Variants in IGFLR1 observed in about 807,000 individuals in gnomAD.
The protein encoded by IGFLR1 is IGF like family receptor 1, also known as IGF-like family receptor 1.
Under a neutral mutation model 23.4 loss-of-function variants are expected in IGFLR1, and 17 were observed. The ratio of observed to expected loss-of-function variants is 0.73; its 90% CI spans 0.50 to 1.09. The LOEUF (loss-of-function observed/expected upper bound fraction) is 1.09, where lower values mean the gene tolerates loss of function less well. IGFLR1 is among the 50% of genes least tolerant of loss of function. IGFLR1 has a pLI of 0.00. For missense variants in IGFLR1, 556 were observed against 459.2 expected, an observed-to-expected ratio of 1.21 and a Z score of -1.93; for synonymous variants, 265 against 210.7, an observed-to-expected ratio of 1.26 and a Z score of -2.23.
chr19:35,742,388 A>T lies in IGFLR1; in HGVS notation c.-44+8T>A. The T allele has an allele frequency of 6.5e-7, 1 of 1,527,418 alleles. No homozygotes were observed. The highest frequency in any genetic ancestry group is 8.8e-7 in the Non-Finnish European group (1 of 1,141,818). 94.6% of individuals were successfully genotyped at this position (1,527,418 alleles called of 1,614,324 possible). A position where few individuals can be genotyped will look rare whatever the true frequency, so the allele number is the denominator to read the frequency against. ...TTCAGCACAAAGGTGTCCCCACCCT[A>T]CCAGTACCGTTAGGGTCCTGGGTCC... On this transcript the variant is annotated splice_region_variant and intron_variant, in intron 1 of 4. Transcript: ENST00000246532.
At chr19:35,740,832 T>C (rs552846821) in intron 2 of IGFLR1, 192 bp downstream of exon 2, 1 of 652,672 alleles carries the variant, frequency 1.5e-6, no homozygotes, top group African/African-American at 1.8e-5. Flanking sequence ...GCCATATCCA[T>C]TCGCTGTTGC....
rs773441914 is a variant in IGFLR1, at chr19:35,740,511, G to C, written c.211C>G (p.Pro71Ala). The change falls in exon 3 of 5, where the codon CCC (proline) becomes GCC (alanine). Residue 71 changes from proline (P) to alanine (A), a missense_variant. Coordinates refer to ENST00000246532, the MANE Select transcript of IGFLR1 (RefSeq NM_024660.4). ...CCAGAAGAACACTTTCGGAACGGGGGCGTTACGAAATCGCCGTGGTCATTG... is the reference window on the plus strand; with the variant it reads ...CCAGAAGAACACTTTCGGAACGGGGCCGTTACGAAATCGCCGTGGTCATTG... ...GLNDHGDFVTPPFRKCSSGQC... is the reference protein window; with the variant it reads ...GLNDHGDFVTAPFRKCSSGQC... The C allele has an allele frequency of 1.2e-6, 2 of 1,612,928 alleles. No individual in the cohort carries two copies. The highest frequency in any genetic ancestry group is 1.7e-6 in the Non-Finnish European group (2 of 1,179,778).
At position 35,739,455 on chromosome 19, in the gene IGFLR1, A is replaced by G; in HGVS notation, c.893T>C (p.Phe298Ser). The change falls in exon 5 of 5, where the codon TTT (phenylalanine) becomes TCT (serine). Residue 298 changes from phenylalanine (F) to serine (S), a missense_variant. By Grantham distance (155) the Phe-to-Ser change is radical. Transcript: ENST00000246532. ...GCGACTCGGCCTCAGCGAATAGGCA[A>G]AGGTGGACCAGGCAGCAGGCAGCCC... ...RYGLPAAWST[F>S]AYSLRPSRSP... 6.2e-7 allele frequency: 1 copy of G among 1,613,980 alleles called. No homozygotes were observed. Among genetic ancestry groups the G allele is most frequent in the South Asian group, 1.1e-5 (1 of 91,090 alleles).
At chr19:35,740,930 G>T (rs558301456) in intron 2 of IGFLR1, 94 bp downstream of exon 2, 2 of 1,228,860 alleles carry the variant, frequency 1.6e-6, no homozygotes, top group African/African-American at 1.5e-5. Context: ...CCCTAAGCAA[G>T]CCTCTCTGGC....
At chr19:35,740,791 C>T (rs1047701712) in intron 2 of IGFLR1, 6 of 636,800 alleles carry the variant, frequency 9.4e-6, no homozygotes, top group Non-Finnish European at 1.6e-5. Context: ...AAAGCCCACC[C>T]TTTCCACGCG....
Position 35,739,440 on chromosome 19 carries a change from C to T in IGFLR1, c.908G>A (p.Arg303Lys). ...AAWSTFAYSL[R>K]PSRSPLRALI... ...AGCCCGCAGCGGCGAGCGACTCGGC[C>T]TCAGCGAATAGGCAAAGGTGGACCA... The change falls in exon 5 of 5, where the codon AGG becomes AAG. Residue 303 changes from arginine (R) to lysine (K), a missense_variant. Transcript: ENST00000246532. 2 of 1,613,978 alleles carry T rather than the reference C, an allele frequency of 1.2e-6. No homozygotes were observed. Among genetic ancestry groups the T allele is most frequent in the Non-Finnish European group, 1.7e-6 (2 of 1,179,984 alleles).
chr19:35,742,323 T>A, intron 1 of IGFLR1, 73 bp downstream of exon 1: 1 of 1,259,142 alleles, frequency 7.9e-7, no homozygotes, highest in Non-Finnish European at 1.1e-6. Context: ...CAACCAGGTC[T>A]CTCCCCCTTG....
Position 35,739,513 on chromosome 19 carries a change from G to C in IGFLR1, c.835C>G (p.His279Asp), listed in dbSNP as rs1970075077. 2 of 1,614,058 alleles carry C rather than the reference G, an allele frequency of 1.2e-6. No homozygotes were observed. Among genetic ancestry groups the C allele is most frequent in the East Asian group, 4.5e-5 (2 of 44,890 alleles). The change falls in exon 5 of 5, where the codon CAT (histidine) becomes GAT (aspartate). Residue 279 changes from histidine to aspartate, a missense_variant. By Grantham distance (81) the His-to-Asp change is moderately conservative. Coordinates refer to ENST00000246532, the MANE Select transcript of IGFLR1 (RefSeq NM_024660.4). ...PEPGPGGGMA[H>D]GTTRHLAARY... is the part of the protein sequence containing the mutation. ...GCGGCCAGGTGTCGAGTAGTGCCAT[G>C]GGCCATACCCCCACCTGGCCCAGGC...
In IGFLR1 at chr19:35,738,852, C is replaced by T; in HGVS notation, c.*428G>A. The T allele has an allele frequency of 4.1e-6, 2 of 489,184 alleles. No individual in the cohort carries two copies. The allele number at this position is 489,184 out of a possible 1,614,324, so 30.3% of individuals were successfully genotyped here. A position where few individuals can be genotyped will look rare whatever the true frequency, so the allele number is the denominator to read the frequency against. ...GGTGGGGTCCCAGGTGGGAACCCCC[C>T]CACAATAAAGTCTGTCAATGTTTGG... On this transcript the variant is annotated 3_prime_UTR_variant, in exon 5 of 5. Coordinates refer to ENST00000246532, the MANE Select transcript of IGFLR1 (RefSeq NM_024660.4). This position sits in a 1 kb window ranked among gnomAD's most constrained non-coding sequence, Gnocchi z 8.7.
At position 35,740,342 on chromosome 19, in the gene IGFLR1, CCAG is replaced by C. The variant is rs748440904; in HGVS notation, c.342+35_342+37del. 4.6e-6 allele frequency: 7 copies of C among 1,519,554 alleles called. No homozygotes were observed. In the South Asian group the frequency reaches 8.9e-5, roughly 19 times the overall value. The allele number at this position is 1,519,554 out of a possible 1,614,324, so 94.1% of individuals were successfully genotyped here. On this transcript the variant is annotated intron_variant, in intron 3 of 4. Transcript: ENST00000246532. ...CTCCCTACATCTAGGCCCCCCACCT[CCAG>C]CACGCCCTTGCCCTGCCGGGAGTCC...
In IGFLR1 at chr19:35,739,659, G is replaced by A. The variant is rs778948676; in HGVS notation, c.722-33C>T. On this transcript the variant is annotated intron_variant, in intron 4 of 4. Transcript: ENST00000246532. ...AAAGGGGAAGGGTAAAGGTGCGGAAGAGCGGGCGTCCAGTCCACCTTCCCT... is the reference window on the plus strand; with the variant it reads ...AAAGGGGAAGGGTAAAGGTGCGGAAAAGCGGGCGTCCAGTCCACCTTCCCT... The A allele has an allele frequency of 1.3e-5, 20 of 1,581,612 alleles. No homozygotes were observed. The Admixed American group carries it at 3.3e-4, about 26-fold the overall frequency.
intron 2 of IGFLR1, 178 bp downstream of exon 2, chr19:35,740,846 A>T (rs1301750968): frequency 3.0e-6 from 2 of 671,952 alleles, no homozygotes; most frequent in East Asian, 2.8e-5. Context: ...CTGTTGCCCT[A>T]CGGTAGCCCG....
At position 35,739,014 on chromosome 19, in the gene IGFLR1, T is replaced by G; in HGVS notation, c.*266A>C. 1 of 516,596 alleles carries G rather than the reference T, an allele frequency of 1.9e-6. No individual in the cohort carries two copies. The highest frequency in any genetic ancestry group is 3.4e-6 in the Non-Finnish European group (1 of 292,120). The allele number at this position is 516,596 out of a possible 1,614,324, so 32.0% of individuals were successfully genotyped here. On this transcript the variant is annotated 3_prime_UTR_variant, in exon 5 of 5. Coordinates refer to ENST00000246532, the MANE Select transcript of IGFLR1 (RefSeq NM_024660.4). The stretch of plus-strand genomic sequence containing the variant: ...ATCATTCAGAATTAGAAGTCAGTCA[T>G]GGGGTCTGTTACGGCTTCAGAACAA...
At position 35,740,541 on chromosome 19, in the gene IGFLR1, C is replaced by G; in HGVS notation, c.181G>C (p.Gly61Arg). ...ACGAAATCGCCGTGGTCATTGAGTC[C>G]GCAGTTTTCCCGGAACTCATAGTCT... The part of the protein sequence containing the change: ...CPDYEFRENC[G>R]LNDHGDFVTP... Residue 61 changes from glycine to arginine, a missense_variant, in exon 3 of 5, where the codon GGA (glycine) becomes CGA (arginine). Transcript: ENST00000246532. The G allele has an allele frequency of 6.2e-7, 1 of 1,609,132 alleles. No homozygotes were observed. Among genetic ancestry groups the G allele is most frequent in the Non-Finnish European group, 8.5e-7 (1 of 1,178,236 alleles).
rs45459701 is a variant in IGFLR1 at position 35,739,887 on chromosome 19, T to C, written c.544A>G (p.Ile182Val). The change falls in exon 4 of 5, where the codon ATT becomes GTT. Residue 182 changes from isoleucine (I) to valine (V), a missense_variant. Physicochemically the swap from Ile to Val is conservative, Grantham distance 29 (BLOSUM62 3). Coordinates refer to ENST00000246532, the MANE Select transcript of IGFLR1 (RefSeq NM_024660.4). ...TLAVIAILLF[I>V]LLWHLCWPKE... Reference sequence around the variant, plus strand: ...GGCCAGCAGAGATGCCAGAGCAGAATAAACAGGAGGATCGCTATCACCGCC... The same window carrying C: ...GGCCAGCAGAGATGCCAGAGCAGAACAAACAGGAGGATCGCTATCACCGCC... 2.5e-6 allele frequency: 4 copies of C among 1,614,010 alleles called. No homozygotes were observed. In the East Asian group the frequency reaches 8.9e-5, roughly 36 times the overall value.
In IGFLR1 at chr19:35,739,179, C is replaced by T. The variant is rs1970046241; in HGVS notation, c.*101G>A. On this transcript the variant is annotated 3_prime_UTR_variant, in exon 5 of 5. Coordinates refer to ENST00000246532, the MANE Select transcript of IGFLR1 (RefSeq NM_024660.4). ...CCTTCTAGGGCGAAGAGCAGTGAGG[C>T]TATCTGTTGGGTCTTTGCCCAATTA... 1 of 1,116,568 alleles carries T rather than the reference C, an allele frequency of 9.0e-7. No individual in the cohort carries two copies. Among genetic ancestry groups the T allele is most frequent in the Non-Finnish European group, 1.3e-6 (1 of 792,672 alleles). The allele number at this position is 1,116,568 out of a possible 1,614,324, so 69.2% of individuals were successfully genotyped here. A position where few individuals can be genotyped will look rare whatever the true frequency, so the allele number is the denominator to read the frequency against.
intron 1 of IGFLR1, 89 bp from the exon 2 acceptor site, chr19:35,741,312 A>G: frequency 7.3e-7 from 1 of 1,376,782 alleles, no homozygotes. Context: ...CCGGGAATCT[A>G]CCCCCGAGCC....
At position 35,739,573 on chromosome 19, in the gene IGFLR1, C is replaced by T. The variant is rs149250917; in HGVS notation, c.775G>A (p.Val259Met). Residue 259 changes from valine to methionine, a missense_variant, in exon 5 of 5, where the codon GTG (valine) becomes ATG (methionine). Transcript: ENST00000246532. Reference sequence around the variant, plus strand: ...AGCAGTACAATCAGCTCTTCCAGCACCTCCAGCTCATCCAGGAGGCGAGAC... The same window carrying T: ...AGCAGTACAATCAGCTCTTCCAGCATCTCCAGCTCATCCAGGAGGCGAGAC... Reference protein sequence around the residue: ...PLSRLLDELEVLEELIVLLDP... With the variant: ...PLSRLLDELEMLEELIVLLDP... 5.0e-6 allele frequency: 8 copies of T among 1,613,944 alleles called. No homozygotes were observed. The highest frequency in any genetic ancestry group is 6.8e-6 in the Non-Finnish European group (8 of 1,179,900).
Position 35,739,057 on chromosome 19 carries a change from C to T in IGFLR1, c.*223G>A. ...CAGAACAACACAACACAGCAACTGT[C>T]TGTAGCAGGGTTGTTTCCCAGAGGG... On this transcript the variant is annotated 3_prime_UTR_variant, in exon 5 of 5. Coordinates refer to ENST00000246532, the MANE Select transcript of IGFLR1 (RefSeq NM_024660.4). The T allele has an allele frequency of 1.7e-6, 1 of 576,090 alleles. No individual in the cohort carries two copies. The highest frequency in any genetic ancestry group is 3.1e-6 in the Non-Finnish European group (1 of 326,370). 35.7% of individuals were successfully genotyped at this position (576,090 alleles called of 1,614,324 possible). A position where few individuals can be genotyped will look rare whatever the true frequency, so the allele number is the denominator to read the frequency against.
Sources: gnomAD v4.1 joint callset for allele counts on GRCh38, gnomAD v4.1.1 for gene constraint, Gnocchi (gnomAD v3.1) non-coding constraint, MANE v1.5 for transcripts, NCBI Gene and HGNC (gene_info 2026-07-23, HGNC 2026-07-21) for gene names.